The following NEU3 variants were observed in gnomAD, a reference collection of about 807,000 sequenced individuals.
The protein encoded by NEU3 is sialidase-3.
In NEU3, 10 loss-of-function variants were observed where a neutral mutation model predicts 11.4. The observed-to-expected ratio is 0.88, with a 90% CI of 0.54 to 1.49. The LOEUF (loss-of-function observed/expected upper bound fraction) is 1.49, where lower values mean the gene tolerates loss of function less well. Among genes scored for constraint, NEU3 ranks in the 40% most tolerant of loss-of-function variants. NEU3 has a pLI of 0.00. For synonymous variants in NEU3, 212 were observed against 228.2 expected (o/e 0.93, Z 0.64); for missense variants, 529 against 581.8 (o/e 0.91, Z 0.93).
In NEU3 at chr11:75,016,079, G is replaced by C. The variant is rs183187756; in HGVS notation, c.*2-2612G>C. Among the ~76,000 whole-genome samples the C allele has an allele frequency of 4.0e-3, 614 of 152,294 alleles. 4 individuals carry two copies. The highest frequency in any genetic ancestry group is 0.014 in the African/African-American group (597 of 41,550). ...GGGCTTTTTATCCTTGCAAAGGGGA[G>C]AACAAGGGTCAGAGCACAGAGCATA... On this transcript the variant is annotated intron_variant, in intron 3 of 3. Transcript: ENST00000529024.
chr11:75,004,450 G>A (rs1264585331), intron 2 of NEU3: 1 of 460,774 alleles, frequency 2.2e-6, no homozygotes, highest in Admixed American at 4.1e-5. Context: ...GAGTGAAGCT[G>A]AACTTTTTTT....
chr11:75,005,454 G>A lies in NEU3; in HGVS notation c.348G>A (p.Gly116=). ...LKPLMEATLP[G]HRTMNPCPVW... ...CACTGATGGAAGCCACACTACCGGG[G>A]CATCGGACCATGAACCCCTGTCCTG... The change falls in exon 3 of 3, where the codon GGG becomes GGA. Residue 116 remains glycine (G), a synonymous_variant. Coordinates refer to ENST00000294064, the MANE Select transcript of NEU3 (RefSeq NM_006656.6). 6.2e-7 allele frequency: 1 copy of A among 1,613,640 alleles called. No homozygotes were observed. The highest frequency in any genetic ancestry group is 8.5e-7 in the Non-Finnish European group (1 of 1,179,684).
chr11:75,015,416 C>T (rs563396119), downstream of NEU3, among the ~76,000 whole-genome samples: 4 of 152,212 alleles, frequency 2.6e-5, no homozygotes, highest in Non-Finnish European at 4.4e-5. Flanking sequence ...TGAACTAAGA[C>T]GTGTTAGCAA....
chr11:75,005,488 C>A lies in NEU3; in HGVS notation c.382C>A (p.Gln128Lys), dbSNP rs1948887552. ...RTMNPCPVWE[Q>K]KSGCVFLFFI... ...CATGAACCCCTGTCCTGTATGGGAG[C>A]AGAAGAGTGGTTGTGTGTTCCTGTT... The change falls in exon 3 of 3, where the codon CAG becomes AAG. Residue 128 changes from glutamine (Q) to lysine (K), a missense_variant. Gln to Lys is a moderately conservative substitution (Grantham distance 53). Coordinates refer to ENST00000294064, the MANE Select transcript of NEU3 (RefSeq NM_006656.6). 21 of 1,613,806 alleles carry A rather than the reference C, an allele frequency of 1.3e-5. No homozygotes were observed. The highest frequency in any genetic ancestry group is 1.7e-5 in the Non-Finnish European group (20 of 1,179,852).
rs199990681 is a variant in NEU3 at position 75,005,458 on chromosome 11, C to T, written c.352C>T (p.Arg118Trp). 210 of 1,613,554 alleles carry T rather than the reference C, an allele frequency of 1.3e-4. 2 individuals are homozygous for T. Among genetic ancestry groups the T allele is most frequent in the Middle Eastern group, 9.9e-4 (6 of 6,082 alleles). ...PLMEATLPGH[R>W]TMNPCPVWEQ... ...GATGGAAGCCACACTACCGGGGCAT[C>T]GGACCATGAACCCCTGTCCTGTATG... is the stretch of plus-strand genomic sequence containing the variant. Residue 118 changes from arginine (R) to tryptophan (W), a missense_variant, in exon 3 of 3, where the codon CGG becomes TGG. By Grantham distance (101) the Arg-to-Trp change is moderately radical. Transcript: ENST00000294064.
Position 75,006,254 on chromosome 11 carries a change from C to A in NEU3, c.1148C>A (p.Thr383Asn), listed in dbSNP as rs767832775. The change falls in exon 3 of 3, where the codon ACC becomes AAC. Residue 383 changes from threonine (T) to asparagine (N), a missense_variant. Thr to Asn is a moderately conservative substitution (Grantham distance 65). Transcript: ENST00000294064. ...RVDLGIYLNQ[T>N]PLEAACWSRP... ...GACCTAGGTATCTATCTCAACCAGACCCCCTTGGAGGCTGCCTGCTGGTCC... is the reference window on the plus strand; with the variant it reads ...GACCTAGGTATCTATCTCAACCAGAACCCCTTGGAGGCTGCCTGCTGGTCC... 1.4e-5 allele frequency: 22 copies of A among 1,613,886 alleles called. No homozygotes were observed. Among genetic ancestry groups the A allele is most frequent in the Non-Finnish European group, 1.7e-5 (20 of 1,179,890 alleles).
chr11:75,016,669 G>A (rs528932684), intron 3 of NEU3, among the ~76,000 whole-genome samples: 46 of 152,262 alleles, frequency 3.0e-4, no homozygotes, highest in African/African-American at 1.1e-3. Context: ...AAACTCAAAG[G>A]TAGGTCCTGG....
intron 2 of NEU3, among the ~76,000 whole-genome samples, chr11:75,001,287 T>C (rs960008230): frequency 4.1e-5 from 6 of 147,266 alleles, no homozygotes; most frequent in Middle Eastern, 7.0e-3. Context: ...TTTTTTTTCT[T>C]TTTTTTTTTT....
rs1291837943 is a variant in NEU3, at chr11:75,017,235, A to C, written c.*2-1456A>C. ...TCAGGCATTCCAAATGGGAGGGCATAGGTCTTATACTAGGCCCAGAGTTGG... is the reference window on the plus strand; with the variant it reads ...TCAGGCATTCCAAATGGGAGGGCATCGGTCTTATACTAGGCCCAGAGTTGG... On this transcript the variant is annotated intron_variant, in intron 3 of 3. Coordinates refer to the NEU3 transcript ENST00000529024. Among the ~76,000 whole-genome samples the C allele has an allele frequency of 2.6e-5, 4 of 152,182 alleles. No individual in the cohort carries two copies. The East Asian group carries it at 5.8e-4, about 22-fold the overall frequency.
downstream of NEU3, among the ~76,000 whole-genome samples, chr11:75,014,309 C>T (rs757904135): frequency 9.2e-5 from 14 of 152,182 alleles, no homozygotes; most frequent in African/African-American, 2.4e-4. Flanking sequence ...GCCTCAGACA[C>T]GAGGCAGATC....
At chr11:75,018,463 G>GA (rs1565501039) in intron 3 of NEU3, among the ~76,000 whole-genome samples, 1 of 152,208 alleles carries the variant, frequency 6.6e-6, no homozygotes, top group African/African-American at 2.4e-5. Flanking sequence ...AAAGCAGGCA[G>GA]AAAAACGGGA....
rs901071257 is a variant in NEU3 at position 75,002,006 on chromosome 11, C to T, written c.307-3407C>T. ...CCAGAAGACTGCGAGGGGACTCTTC[C>T]GTGGGATGGGAGTTAGCACTAGATA... On this transcript the variant is annotated intron_variant, in intron 2 of 2. Transcript: ENST00000294064. 1.3e-4 allele frequency among the ~76,000 whole-genome samples: 20 copies of T among 152,212 alleles called. 2 individuals carry two copies. The highest frequency in any genetic ancestry group is 1.1e-3 in the Admixed American group (17 of 15,292).
chr11:75,020,454 T>A (rs918399746), downstream of NEU3, among the ~76,000 whole-genome samples: 1 of 152,180 alleles, frequency 6.6e-6, no homozygotes, highest in African/African-American at 2.4e-5. Flanking sequence ...TGGGAGGTAA[T>A]TGAATCATAG....
upstream of NEU3, among the ~76,000 whole-genome samples, chr11:74,986,224 T>C (rs1276334829): frequency 6.6e-6 from 1 of 152,268 alleles, no homozygotes; most frequent in Non-Finnish European, 1.5e-5. Flanking sequence ...TTTACCCTAT[T>C]AATGGACATT....
chr11:75,004,453 C>A, intron 2 of NEU3: 1 of 461,898 alleles, frequency 2.2e-6, no homozygotes, highest in Non-Finnish European at 3.8e-6. Flanking sequence ...TGAAGCTGAA[C>A]TTTTTTTTCT....
chr11:74,994,742 G>C, intron 2 of NEU3, 22 bp downstream of exon 2: 1 of 1,592,626 alleles, frequency 6.3e-7, no homozygotes. Flanking sequence ...TCCCAGATCT[G>C]AGTCTGGGCC....
chr11:74,986,996 A>G (rs1948670733), upstream of NEU3, among the ~76,000 whole-genome samples: 1 of 152,182 alleles, frequency 6.6e-6, no homozygotes, highest in African/African-American at 2.4e-5. Flanking sequence ...TGAGGTGGGA[A>G]AGTAGGAAGG....
At position 75,009,451 on chromosome 11, in the gene NEU3, G is replaced by A. The variant is rs1948933856; in HGVS notation, c.*2959G>A. On this transcript the variant is annotated 3_prime_UTR_variant, in exon 3 of 3. Coordinates refer to ENST00000294064, the MANE Select transcript of NEU3 (RefSeq NM_006656.6). Reference sequence around the variant, plus strand: ...CTCTAACTCTGTGCCAATTACCCAAGGCCTTCAGGGCCCTGGGACCTATTC... The same window carrying A: ...CTCTAACTCTGTGCCAATTACCCAAAGCCTTCAGGGCCCTGGGACCTATTC... The A allele has an allele frequency of 6.6e-6, 1 of 152,194 alleles. No homozygotes were observed. Among genetic ancestry groups the A allele is most frequent in the Admixed American group, 6.5e-5 (1 of 15,284 alleles). 9.4% of individuals were successfully genotyped at this position (152,194 alleles called of 1,614,324 possible).
chr11:75,001,966 G>A (rs1002097846), intron 2 of NEU3, among the ~76,000 whole-genome samples: 2 of 152,302 alleles, frequency 1.3e-5, no homozygotes, highest in East Asian at 1.9e-4. Context: ...GTTCAAGGAC[G>A]GAATGGTCTT....
Sources: gnomAD v4.1 joint callset for allele counts (sites outside exome capture counted in the v4.1 genomes callset) on GRCh38, gnomAD v4.1.1 for gene constraint, MANE v1.5 for transcripts, NCBI Gene and HGNC (gene_info 2026-07-23, HGNC 2026-07-21) for gene names.